The following SVBP variants were observed in gnomAD, a reference collection of about 807,000 sequenced individuals.
SVBP encodes the protein small vasohibin-binding protein.
Under a neutral mutation model 9.2 loss-of-function variants are expected in SVBP, and 9 were observed. That is an observed-to-expected ratio of 0.98 (90% CI 0.59 to 1.71). The LOEUF (loss-of-function observed/expected upper bound fraction) is 1.71, where lower values mean the gene tolerates loss of function less well. Among genes scored for constraint, SVBP ranks in the 40% most tolerant of loss-of-function variants. The pLI is 0.00. For missense variants in SVBP, 63 were observed against 73.2 expected (o/e 0.86, Z 0.51); for synonymous variants, 27 against 23.9 (o/e 1.13, Z -0.37).
chr1:42,813,725 A>G (rs1654129644), intron 2 of SVBP: 1 of 531,640 alleles, frequency 1.9e-6, no homozygotes, highest in Non-Finnish European at 3.9e-6. Flanking sequence ...TCCCTTGGCT[A>G]TATCACCATT....
At chr1:42,813,406 G>A (rs564782652) in intron 2 of SVBP, 24 of 556,500 alleles carry the variant, frequency 4.3e-5, no homozygotes, top group East Asian at 3.6e-4. Flanking sequence ...ATCTACCTGA[G>A]CCAGGGGCCC....
chr1:42,810,155 T>C lies in SVBP; in HGVS notation c.115-2655A>G, dbSNP rs147016352. ...ACACACACACACACACACACACACATATATTTTTTTTGTGAGCAGAGTCTT... is the reference window on the plus strand; with the variant it reads ...ACACACACACACACACACACACACACATATTTTTTTTGTGAGCAGAGTCTT... On this transcript the variant is annotated intron_variant, in intron 2 of 2. Coordinates refer to ENST00000372521, the MANE Select transcript of SVBP (RefSeq NM_199342.4). 7.5e-3 allele frequency among the ~76,000 whole-genome samples: 1,041 copies of C among 139,654 alleles called. 9 individuals are homozygous for C. The highest frequency in any genetic ancestry group is 9.8e-3 in the Non-Finnish European group (650 of 66,106). 91.6% of individuals were successfully genotyped at this position (139,654 alleles called of 152,430 possible).
chr1:42,812,158 C>T (rs1654096814), intron 2 of SVBP, among the ~76,000 whole-genome samples: 2 of 152,002 alleles, frequency 1.3e-5, no homozygotes, highest in Admixed American at 6.5e-5. Flanking sequence ...TCTTTTTTAA[C>T]ACTCCACATA....
In SVBP at chr1:42,807,425, G is replaced by T; in HGVS notation, c.190C>A (p.Pro64Thr). The stretch of plus-strand genomic sequence containing the variant: ...TTGAACCTGGGGCCTCATTCTCCAG[G>T]AGGCTGCATCTGTTTACAGAACTCA... ...FDEFCKQMQP[P>T]GE is the part of the protein sequence containing the mutation. The change falls in exon 3 of 3, where the codon CCT becomes ACT. Residue 64 changes from proline to threonine, a missense_variant. Physicochemically the swap from Pro to Thr is conservative, Grantham distance 38 (BLOSUM62 -1). Coordinates refer to ENST00000372521, the MANE Select transcript of SVBP (RefSeq NM_199342.4). 6.2e-7 allele frequency: 1 copy of T among 1,613,574 alleles called. No individual in the cohort carries two copies. The highest frequency in any genetic ancestry group is 8.5e-7 in the Non-Finnish European group (1 of 1,179,600).
rs775319979 is a variant in SVBP at position 42,816,426 on chromosome 1, C to G, written c.114+5G>C. 4 of 1,600,620 alleles carry G rather than the reference C, an allele frequency of 2.5e-6. No homozygotes were observed. Among genetic ancestry groups the G allele is most frequent in the Non-Finnish European group, 3.4e-6 (4 of 1,167,970 alleles). ...AGGCATACAGAGCCTCCGCCTTAATCTCACCTCTGCTCTTTGTCTCTGCTT... is the reference window on the plus strand; with the variant it reads ...AGGCATACAGAGCCTCCGCCTTAATGTCACCTCTGCTCTTTGTCTCTGCTT... On this transcript the variant is annotated splice_donor_5th_base_variant and intron_variant, in intron 2 of 2. Coordinates refer to ENST00000372521, the MANE Select transcript of SVBP (RefSeq NM_199342.4).
At chr1:42,808,141 G>GTA (rs1305299239) in intron 2 of SVBP, among the ~76,000 whole-genome samples, 2,287 of 40,352 alleles carry the variant, frequency 0.057, 56 homozygotes, top group South Asian at 0.069. Flanking sequence ...TATAGTGTGT[G>GTA]TGTGTGTGTA....
chr1:42,817,341 G>A lies in SVBP; in HGVS notation c.-188C>T, dbSNP rs1654266950. ...GGCGGGGCCGCGCGCCGGGGGGAGG[G>A]GCGCAGGGCCGAGCGCCAGGAGGCT... On this transcript the variant is annotated 5_prime_UTR_variant, in exon 1 of 3. Coordinates refer to ENST00000372521, the MANE Select transcript of SVBP (RefSeq NM_199342.4). The A allele has an allele frequency of 1.1e-6, 1 of 916,114 alleles. No homozygotes were observed. Among genetic ancestry groups the A allele is most frequent in the South Asian group, 2.1e-5 (1 of 48,464 alleles). The allele number at this position is 916,114 out of a possible 1,614,324, so 56.7% of individuals were successfully genotyped here.
chr1:42,807,541 A>T, intron 2 of SVBP, 41 bp from the exon 3 acceptor site: 1 of 1,442,488 alleles, frequency 6.9e-7, no homozygotes, highest in Non-Finnish European at 9.8e-7. Context: ...CAATGGAAGC[A>T]GCTGCACAAA....
At chr1:42,813,983 C>T (rs543332191) in intron 2 of SVBP, 3 of 182,100 alleles carry the variant, frequency 1.6e-5, no homozygotes, top group Admixed American at 1.2e-4. Flanking sequence ...TTACTGCCTC[C>T]CCTTGCTGGA....
At chr1:42,812,494 G>A (rs761828047) in intron 2 of SVBP, among the ~76,000 whole-genome samples, 1 of 152,144 alleles carries the variant, frequency 6.6e-6, no homozygotes, top group Admixed American at 6.5e-5. Context: ...TAGGACAGAG[G>A]TAAGTCCCAC....
chr1:42,815,432 G>C (rs942615892), intron 2 of SVBP, among the ~76,000 whole-genome samples: 57 of 150,208 alleles, frequency 3.8e-4, no homozygotes, highest in African/African-American at 1.3e-3. Flanking sequence ...GCAATGTCTA[G>C]TAAAATTGAG....
In SVBP at chr1:42,807,180, A is replaced by G; in HGVS notation, c.*234T>C. ...TTTTTTTTTTTTTTTAAAAAAACCCAAAAAACAAAACCACTGTCTTAGAAG... is the reference window on the plus strand; with the variant it reads ...TTTTTTTTTTTTTTTAAAAAAACCCGAAAAACAAAACCACTGTCTTAGAAG... On this transcript the variant is annotated 3_prime_UTR_variant, in exon 3 of 3. Coordinates refer to ENST00000372521, the MANE Select transcript of SVBP (RefSeq NM_199342.4). 1 of 319,842 alleles carries G rather than the reference A, an allele frequency of 3.1e-6. No homozygotes were observed. The highest frequency in any genetic ancestry group is 5.6e-6 in the Non-Finnish European group (1 of 177,936). 19.8% of individuals were successfully genotyped at this position (319,842 alleles called of 1,614,324 possible). A position where few individuals can be genotyped will look rare whatever the true frequency, so the allele number is the denominator to read the frequency against.
rs997573284 is a variant in SVBP, at chr1:42,816,191, T to G, written c.114+240A>C. On this transcript the variant is annotated intron_variant, in intron 2 of 2. Coordinates refer to ENST00000372521, the MANE Select transcript of SVBP (RefSeq NM_199342.4). Reference sequence around the variant, plus strand: ...ATTTTTTTTCCTTTCTTCCTTCCCTTGGGTCTCTTACCACAAAAGCTCCGC... The same window carrying G: ...ATTTTTTTTCCTTTCTTCCTTCCCTGGGGTCTCTTACCACAAAAGCTCCGC... The G allele has an allele frequency of 8.7e-6, 4 of 460,202 alleles. No homozygotes were observed. In the Admixed American group the frequency reaches 1.2e-4, roughly 14 times the overall value. 28.5% of individuals were successfully genotyped at this position (460,202 alleles called of 1,614,324 possible). A position where few individuals can be genotyped will look rare whatever the true frequency, so the allele number is the denominator to read the frequency against.
Position 42,817,245 on chromosome 1 carries a change from T to A in SVBP, c.-92A>T. On this transcript the variant is annotated 5_prime_UTR_variant, in exon 1 of 3. Coordinates refer to ENST00000372521, the MANE Select transcript of SVBP (RefSeq NM_199342.4). ...CCTCCGCCGAGTCGCAGACAACGCC[T>A]CCGGGAGGGTAATCCTCGCCTTCCC... 1 of 1,253,666 alleles carries A rather than the reference T, an allele frequency of 8.0e-7. No homozygotes were observed. Among genetic ancestry groups the A allele is most frequent in the African/African-American group, 1.6e-5 (1 of 62,428 alleles). 77.7% of individuals were successfully genotyped at this position (1,253,666 alleles called of 1,614,324 possible).
At position 42,817,280 on chromosome 1, in the gene SVBP, G is replaced by A. The variant is rs1057289049; in HGVS notation, c.-127C>T. 2.4e-5 allele frequency: 30 copies of A among 1,230,450 alleles called. No individual in the cohort carries two copies. The highest frequency in any genetic ancestry group is 2.9e-5 in the Non-Finnish European group (28 of 957,086). 76.2% of individuals were successfully genotyped at this position (1,230,450 alleles called of 1,614,324 possible). ...TAATCCTCGCCTTCCCCCGACCACT[G>A]GACCCAGCGCTGCCTGCCCACCGCC... On this transcript the variant is annotated 5_prime_UTR_variant, in exon 1 of 3. Coordinates refer to ENST00000372521, the MANE Select transcript of SVBP (RefSeq NM_199342.4).
rs1466911213 is a variant in SVBP at position 42,817,284 on chromosome 1, C to A, written c.-131G>T. The A allele has an allele frequency of 2.5e-6, 3 of 1,216,004 alleles. No homozygotes were observed. Among genetic ancestry groups the A allele is most frequent in the Non-Finnish European group, 3.2e-6 (3 of 946,368 alleles). The allele number at this position is 1,216,004 out of a possible 1,614,324, so 75.3% of individuals were successfully genotyped here. Reference sequence around the variant, plus strand: ...CCTCGCCTTCCCCCGACCACTGGACCCAGCGCTGCCTGCCCACCGCCCCTC... The same window carrying A: ...CCTCGCCTTCCCCCGACCACTGGACACAGCGCTGCCTGCCCACCGCCCCTC... On this transcript the variant is annotated 5_prime_UTR_variant, in exon 1 of 3. Transcript: ENST00000372521.
chr1:42,807,339 A>G lies in SVBP; in HGVS notation c.*75T>C. ...CTGGTCTAGTTCTGTAAGGCTCCAA[A>G]TGGGCCATCTCAGCTTAAAACTGGC... On this transcript the variant is annotated 3_prime_UTR_variant, in exon 3 of 3. Transcript: ENST00000372521. The G allele has an allele frequency of 2.9e-6, 3 of 1,029,392 alleles. No individual in the cohort carries two copies. Among genetic ancestry groups the G allele is most frequent in the Non-Finnish European group, 4.6e-6 (3 of 650,430 alleles). 63.8% of individuals were successfully genotyped at this position (1,029,392 alleles called of 1,614,324 possible).
intron 2 of SVBP, among the ~76,000 whole-genome samples, chr1:42,813,209 C>CT (rs1654115795): frequency 6.6e-6 from 1 of 152,128 alleles, no homozygotes; most frequent in South Asian, 2.1e-4. Context: ...TGTCTGTTGT[C>CT]TTTAGCTAGT....
chr1:42,814,640 G>C (rs1324821950), intron 2 of SVBP, among the ~76,000 whole-genome samples: 2 of 151,886 alleles, frequency 1.3e-5, no homozygotes, highest in Non-Finnish European at 1.5e-5. Context: ...CTCACCATCA[G>C]AGAAATGCAA....
Sources: allele counts gnomAD v4.1 joint callset (sites outside exome capture counted in the v4.1 genomes callset), GRCh38; gene constraint gnomAD v4.1.1; transcripts MANE v1.5; gene names NCBI Gene and HGNC (gene_info 2026-07-23, HGNC 2026-07-21).